The following PRAMEF11 variants were observed in gnomAD, a reference collection of about 807,000 sequenced individuals.
PRAMEF11 encodes PRAME family member 11.
Under a neutral mutation model 33.6 loss-of-function variants are expected in PRAMEF11, and 17 were observed. That is an observed-to-expected ratio of 0.51 (90% CI 0.35 to 0.76). PRAMEF11 has a LOEUF of 0.76. Among genes scored for constraint, PRAMEF11 ranks in the 30% least tolerant of loss-of-function variants. PRAMEF11 has a pLI of 0.01. For synonymous variants in PRAMEF11, 205 were observed against 227.3 expected, an observed-to-expected ratio of 0.90 and a Z score of 0.88; for missense variants, 568 against 567.0, an observed-to-expected ratio of 1.00 and a Z score of -0.02.
At chr1:12,826,670 G>C (rs965241761) in intron 3 of PRAMEF11, among the ~76,000 whole-genome samples, 9 of 151,316 alleles carry the variant, frequency 5.9e-5, no homozygotes, top group African/African-American at 2.2e-4. Context: ...GCTGAGGCAG[G>C]AGAATCGCTT....
At chr1:12,826,885 C>G (rs1016704162) in intron 3 of PRAMEF11, among the ~76,000 whole-genome samples, 1 of 151,302 alleles carries the variant, frequency 6.6e-6, no homozygotes, top group African/African-American at 2.4e-5. Context: ...CTCAGACTCC[C>G]AAACTGCTAG....
In PRAMEF11 at chr1:12,826,347, G is replaced by A. The variant is rs180770908; in HGVS notation, c.876-844C>T. Among the ~76,000 whole-genome samples, 327 of 150,950 alleles carry A rather than the reference G, an allele frequency of 2.2e-3. 7 individuals are homozygous for A. Among genetic ancestry groups the A allele is most frequent in the African/African-American group, 7.1e-3 (292 of 41,316 alleles). On this transcript the variant is annotated intron_variant, in intron 3 of 3. Coordinates refer to ENST00000619922, the MANE Select transcript of PRAMEF11 (RefSeq NM_001146344.3). ...ACTTTTACAATGGGAATTAGAGATG[G>A]GATCATTCATGTTCACCAAACTGTG...
rs1345060118 is a variant in PRAMEF11 at position 12,828,727 on chromosome 1, C to T, written c.63G>A (p.Arg21=). 1.9e-6 allele frequency: 3 copies of T among 1,610,064 alleles called. No homozygotes were observed. The highest frequency in any genetic ancestry group is 2.3e-5 in the East Asian group (1 of 44,410). ...GGGTGGAGACGGCCAAGGCTTGGTCCCTCAGCAGGCTCCGCCCCGCAAGCT... is the reference window on the plus strand; with the variant it reads ...GGGTGGAGACGGCCAAGGCTTGGTCTCTCAGCAGGCTCCGCCCCGCAAGCT... ...LLELAGRSLL[R]DQALAVSTLE... Residue 21 remains arginine, a synonymous_variant, in exon 2 of 4, where the codon AGG becomes AGA. Coordinates refer to ENST00000619922, the MANE Select transcript of PRAMEF11 (RefSeq NM_001146344.3).
At chr1:12,827,030 C>G (rs1216021858) in intron 3 of PRAMEF11, among the ~76,000 whole-genome samples, 4 of 151,212 alleles carry the variant, frequency 2.6e-5, no homozygotes. Flanking sequence ...GCATGGCAGC[C>G]TCTCTATAGC....
chr1:12,829,788 A>C (rs1195026302), intron 1 of PRAMEF11, among the ~76,000 whole-genome samples: 4 of 150,746 alleles, frequency 2.7e-5, no homozygotes, highest in South Asian at 2.1e-4. Context: ...TAGGAGGATC[A>C]CTTGAACCCA....
At position 12,827,978 on chromosome 1, in the gene PRAMEF11, C is replaced by T. The variant is rs1569788993; in HGVS notation, c.294-148G>A. The T allele has an allele frequency of 3.5e-6, 5 of 1,412,086 alleles. No individual in the cohort carries two copies. The African/African-American group carries it at 4.6e-5, about 13-fold the overall frequency. 87.5% of individuals were successfully genotyped at this position (1,412,086 alleles called of 1,614,324 possible). ...CTGTTTTCCCCTTGGATCCTACCCA[C>T]TTCCACATTTTTTTGTTTTTTTTTT... On this transcript the variant is annotated intron_variant, in intron 2 of 3. Coordinates refer to ENST00000619922, the MANE Select transcript of PRAMEF11 (RefSeq NM_001146344.3).
rs369366157 is a variant in PRAMEF11, at chr1:12,829,892, T to C, written c.-16-1087A>G. ...ACAGAGAGACAGAGAGAGCTACATT[T>C]GATTAGAATTCTTAATCTCTACCCA... On this transcript the variant is annotated intron_variant, in intron 1 of 3. Coordinates refer to ENST00000619922, the MANE Select transcript of PRAMEF11 (RefSeq NM_001146344.3). Among the ~76,000 whole-genome samples the C allele has an allele frequency of 4.4e-4, 67 of 151,478 alleles. 6 individuals carry two copies. The South Asian group carries it at 0.014, about 32-fold the overall frequency.
In PRAMEF11 at chr1:12,831,055, G is replaced by A. The variant is rs867936869; in HGVS notation, c.-17+301C>T. Among the ~76,000 whole-genome samples, 38 of 149,842 alleles carry A rather than the reference G, an allele frequency of 2.5e-4. 1 individual carries two copies. Among genetic ancestry groups the A allele is most frequent in the African/African-American group, 9.1e-4 (37 of 40,812 alleles). On this transcript the variant is annotated intron_variant, in intron 1 of 3. Transcript: ENST00000619922. ...GGCTTTTGTCATGTTGCCCAGGTTG[G>A]TCTCAAACCCCTGGGCTGAAATGAT...
chr1:12,825,633 G>A (rs1368139076), intron 3 of PRAMEF11, 130 bp from the exon 4 acceptor site: 3 of 581,434 alleles, frequency 5.2e-6, no homozygotes, highest in East Asian at 5.8e-5. Flanking sequence ...TGGCCGGATG[G>A]TCAACACTTC....
chr1:12,828,650 C>A lies in PRAMEF11; in HGVS notation c.140G>T (p.Ser47Ile), dbSNP rs1222516879. The change falls in exon 2 of 4, where the codon AGC (serine) becomes ATC (isoleucine). Residue 47 changes from serine to isoleucine, a missense_variant. By Grantham distance (142) the Ser-to-Ile change is moderately radical. Transcript: ENST00000619922. ...LFPPLFMEAFSRRRCEALKLM... is the reference protein window; with the variant it reads ...LFPPLFMEAFIRRRCEALKLM... ...CTTCAGGGCCTCACAGCGTCTCCTG[C>A]TGAAGGCCTCCATGAACAGTGGGGG... is the stretch of plus-strand genomic sequence containing the variant. 1 of 1,610,382 alleles carries A rather than the reference C, an allele frequency of 6.2e-7. No homozygotes were observed. Among genetic ancestry groups the A allele is most frequent in the Non-Finnish European group, 8.5e-7 (1 of 1,178,048 alleles).
At chr1:12,827,867 A>G (rs1388219194) in intron 2 of PRAMEF11, 37 bp from the exon 3 acceptor site, 2 of 1,602,900 alleles carry the variant, frequency 1.2e-6, no homozygotes, top group Non-Finnish European at 1.7e-6. Flanking sequence ...GAATTTAAGA[A>G]CTCATTTCTG....
chr1:12,828,987 G>A (rs1170447477), intron 1 of PRAMEF11, among the ~76,000 whole-genome samples, 182 bp from the exon 2 acceptor site: 15 of 151,804 alleles, frequency 9.9e-5, no homozygotes, highest in Admixed American at 4.6e-4. Context: ...ATCAGCATGA[G>A]CGTCTCCGAA....
At position 12,827,594 on chromosome 1, in the gene PRAMEF11, C is replaced by G. The variant is rs2486714; in HGVS notation, c.530G>C (p.Arg177Thr). 8 of 1,608,348 alleles carry G rather than the reference C, an allele frequency of 5.0e-6. No individual in the cohort carries two copies. The African/African-American group carries it at 5.4e-5, about 11-fold the overall frequency. ...CTTACAGCACAGGTGTAGTAAATCT[C>G]TCCTCTGCTTGACCCATAGAAGGAG... is the stretch of plus-strand genomic sequence containing the variant. ...TCLLLWVKQR[R>T]DLLHLCCKKL... Residue 177 changes from arginine to threonine, a missense_variant, in exon 3 of 4, where the codon AGA (arginine) becomes ACA (threonine). Coordinates refer to ENST00000619922, the MANE Select transcript of PRAMEF11 (RefSeq NM_001146344.3).
rs780190151 is a variant in PRAMEF11 at position 12,824,898 on chromosome 1, T to C, written c.*44A>G. 5.6e-6 allele frequency: 9 copies of C among 1,603,288 alleles called. No individual in the cohort carries two copies. The Middle Eastern group carries it at 7.5e-4, about 133-fold the overall frequency. On this transcript the variant is annotated 3_prime_UTR_variant, in exon 4 of 4. Coordinates refer to ENST00000619922, the MANE Select transcript of PRAMEF11 (RefSeq NM_001146344.3). Reference sequence around the variant, plus strand: ...AGACCTAGGTTTTAGTTTCCAAGTGTCCAGAAGAAAGCGTTTGACATACCC... The same window carrying C: ...AGACCTAGGTTTTAGTTTCCAAGTGCCCAGAAGAAAGCGTTTGACATACCC...
In PRAMEF11 at chr1:12,829,921, A is replaced by G. The variant is rs1639970787; in HGVS notation, c.-16-1116T>C. 1.3e-5 allele frequency among the ~76,000 whole-genome samples: 2 copies of G among 151,342 alleles called. 1 individual carries two copies. Among genetic ancestry groups the G allele is most frequent in the Non-Finnish European group, 2.9e-5 (2 of 67,804 alleles). The stretch of plus-strand genomic sequence containing the variant: ...TAGAATTCTTAATCTCTACCCAGTT[A>G]ATCCTGATTGGATTTCTGACTTTCT... On this transcript the variant is annotated intron_variant, in intron 1 of 3. Coordinates refer to ENST00000619922, the MANE Select transcript of PRAMEF11 (RefSeq NM_001146344.3).
rs536167377 is a variant in PRAMEF11 at position 12,827,634 on chromosome 1, C to T, written c.490G>A (p.Glu164Lys). The T allele has an allele frequency of 7.5e-6, 12 of 1,609,604 alleles. 1 individual carries two copies. In the South Asian group the frequency reaches 1.3e-4, roughly 18 times the overall value. ...CATAGAAGGAGGCAGGTGAGGTATT[C>T]ATCCAGAGTCCTGTTCTTGAGCCAA... ...ELWLKNRTLD[E>K]YLTCLLLWVK... Residue 164 changes from glutamate to lysine, a missense_variant, in exon 3 of 4, where the codon GAA (glutamate) becomes AAA (lysine). This residue lies in a region of PRAMEF11 where 342 missense variants were observed against 312.0 expected (regional missense o/e 1.10). Transcript: ENST00000619922.
intron 3 of PRAMEF11, among the ~76,000 whole-genome samples, chr1:12,825,802 C>T (rs1337259504): frequency 2.7e-5 from 4 of 150,254 alleles, no homozygotes; most frequent in African/African-American, 7.3e-5. Flanking sequence ...GGCAAAACCT[C>T]GTCTCTACTA....
rs564367901 is a variant in PRAMEF11, at chr1:12,825,043, G to A, written c.1336C>T (p.His446Tyr). 1.9e-6 allele frequency: 3 copies of A among 1,606,842 alleles called. No homozygotes were observed. The highest frequency in any genetic ancestry group is 1.7e-4 in the Middle Eastern group (1 of 6,000). Residue 446 changes from histidine (H) to tyrosine (Y), a missense_variant, in exon 4 of 4, where the codon CAC (histidine) becomes TAC (tyrosine). His to Tyr is a moderately conservative substitution (Grantham distance 83). Coordinates refer to ENST00000619922, the MANE Select transcript of PRAMEF11 (RefSeq NM_001146344.3). ...IRAELMKKVR[H>Y]LRHPKRILFC... ...AAGATCCTCTTGGGGTGCCTTAAGT[G>A]CCTCACTTTCTTCATCAGCTCAGCC...
Position 12,827,401 on chromosome 1 carries a change from G to C in PRAMEF11, c.723C>G (p.Leu241=). 1 of 1,605,720 alleles carries C rather than the reference G, an allele frequency of 6.2e-7. No individual in the cohort carries two copies. Among genetic ancestry groups the C allele is most frequent in the Non-Finnish European group, 8.5e-7 (1 of 1,177,988 alleles). The change falls in exon 3 of 4, where the codon CTC becomes CTG. Residue 241 remains leucine (L), a synonymous_variant. Coordinates refer to ENST00000619922, the MANE Select transcript of PRAMEF11 (RefSeq NM_001146344.3). ...GHLRNLQKLV[L]SHMDVSRYVS... ...CGTAGCGAGAGACATCCATGTGGGA[G>C]AGAACGAGCTTCTGAAGATTCCTCA...
Sources: allele counts gnomAD v4.1 joint callset (sites outside exome capture counted in the v4.1 genomes callset), GRCh38; gene constraint gnomAD v4.1.1; regional missense constraint gnomAD v4.1.1; transcripts MANE v1.5; gene names NCBI Gene and HGNC (gene_info 2026-07-23, HGNC 2026-07-21).